HRH1: variants seen among roughly 807,000 people sequenced by gnomAD.
HRH1 encodes histamine receptor H1.
HRH1 carries 6 observed loss-of-function variants against 10.3 expected under a neutral mutation model. The ratio of observed to expected loss-of-function variants is 0.58; its 90% CI spans 0.32 to 1.15. HRH1 has a LOEUF of 1.15. Among genes scored for constraint, HRH1 ranks in the 50% most tolerant of loss-of-function variants. The probability of loss-of-function intolerance (pLI) is 0.05; values close to 1 mark genes in which losing one functional copy is unlikely to be tolerated. For missense variants in HRH1, 514 were observed against 615.3 expected (o/e 0.84, Z 1.74); for synonymous variants, 242 against 236.7 (o/e 1.02, Z -0.21).
chr3:11,152,794 C>T (rs1373019860), upstream of HRH1, among the ~76,000 whole-genome samples: 3 of 152,034 alleles, frequency 2.0e-5, no homozygotes, highest in Non-Finnish European at 4.4e-5. Flanking sequence ...GGAGAATCAC[C>T]AGGGAGTGGG....
intron 1 of HRH1, among the ~76,000 whole-genome samples, chr3:11,189,721 C>T (rs1041414869): frequency 6.6e-6 from 1 of 151,396 alleles, no homozygotes; most frequent in East Asian, 1.9e-4. Context: ...CACTGGAGTT[C>T]GAGACCAGCC....
intron 1 of HRH1, among the ~76,000 whole-genome samples, chr3:11,222,757 C>T (rs373135878): frequency 6.6e-6 from 1 of 152,148 alleles, no homozygotes; most frequent in African/African-American, 2.4e-5. Flanking sequence ...GAAACATAAA[C>T]TCTCCATCCT....
chr3:11,229,073 A>T (rs1938973033), intron 1 of HRH1, among the ~76,000 whole-genome samples: 2 of 152,290 alleles, frequency 1.3e-5, no homozygotes, highest in East Asian at 3.9e-4. Flanking sequence ...AATAAATAGA[A>T]GTTCATTGAC....
chr3:11,179,502 C>A (rs1292996242), intron 1 of HRH1, among the ~76,000 whole-genome samples: 2 of 151,330 alleles, frequency 1.3e-5, no homozygotes, highest in Admixed American at 1.3e-4. Flanking sequence ...CGCCTGTAGT[C>A]CCAGCTACTC....
intron 1 of HRH1, among the ~76,000 whole-genome samples, chr3:11,157,076 T>C (rs1936822275): frequency 6.6e-6 from 1 of 152,240 alleles, no homozygotes; most frequent in Non-Finnish European, 1.5e-5. Flanking sequence ...GCTTGAACTT[T>C]GTGCTCTGGC....
intron 1 of HRH1, among the ~76,000 whole-genome samples, chr3:11,141,839 T>C (rs111685340): frequency 0.019 from 2,957 of 152,352 alleles, 87 homozygotes; most frequent in East Asian, 0.11. Flanking sequence ...TCCTAGATGA[T>C]GCTATGTACA....
intron 1 of HRH1, among the ~76,000 whole-genome samples, chr3:11,185,074 G>A (rs1161797536): frequency 1.3e-5 from 2 of 150,926 alleles, no homozygotes; most frequent in African/African-American, 4.9e-5. Flanking sequence ...GCTTCCCATT[G>A]TATCATGGGC....
intron 1 of HRH1, among the ~76,000 whole-genome samples, chr3:11,211,089 A>C (rs1938312440): frequency 6.6e-6 from 1 of 152,240 alleles, no homozygotes; most frequent in African/African-American, 2.4e-5. Context: ...CAAATAAATC[A>C]ATTTGTAATT....
chr3:11,213,955 G>A (rs1051636082), intron 1 of HRH1, among the ~76,000 whole-genome samples: 5 of 152,162 alleles, frequency 3.3e-5, no homozygotes, highest in African/African-American at 1.2e-4. Flanking sequence ...CCAGGTGGTT[G>A]GAATGAGGGA....
Position 11,148,194 on chromosome 3 carries a change from A to G in HRH1, c.-36+10795A>G, listed in dbSNP as rs905433628. 2.9e-4 allele frequency among the ~76,000 whole-genome samples: 44 copies of G among 151,742 alleles called. 1 individual carries two copies. The highest frequency in any genetic ancestry group is 1.6e-3 in the East Asian group (8 of 5,132). On this transcript the variant is annotated intron_variant, in intron 1 of 1. Transcript: ENST00000438284. The stretch of plus-strand genomic sequence containing the variant: ...ACTCTGTCAAACAAAAAAAAAAAAA[A>G]AAAAGAAAAGAAACTCTTCCTTCTC...
At chr3:11,229,144 C>T (rs1283446779) in intron 1 of HRH1, among the ~76,000 whole-genome samples, 7 of 152,182 alleles carry the variant, frequency 4.6e-5, no homozygotes. Context: ...ATCAACCTTT[C>T]CACCTTTCCT....
At chr3:11,192,877 G>A (rs529722492) in intron 1 of HRH1, among the ~76,000 whole-genome samples, 34 of 152,010 alleles carry the variant, frequency 2.2e-4, no homozygotes, top group African/African-American at 6.3e-4. Flanking sequence ...GGGCCTTGCC[G>A]TCTTGGGTTC....
intron 1 of HRH1, among the ~76,000 whole-genome samples, chr3:11,227,305 C>T (rs1390611208): frequency 6.7e-6 from 1 of 148,416 alleles, no homozygotes; most frequent in African/African-American, 2.5e-5. Context: ...TTTTTTTCCT[C>T]AGGCGGAGTC....
At chr3:11,178,743 C>G (rs1225984121) in intron 1 of HRH1, among the ~76,000 whole-genome samples, 5 of 152,162 alleles carry the variant, frequency 3.3e-5, no homozygotes, top group African/African-American at 9.7e-5. Context: ...GGATTTTACC[C>G]ACCACCCAGA....
At chr3:11,234,365 G>C (rs1553579544) in intron 1 of HRH1, 1 of 1,599,488 alleles carries the variant, frequency 6.3e-7, no homozygotes, top group South Asian at 1.1e-5. Context: ...ATCCTCTTGG[G>C]GATAGAGGTC....
At chr3:11,162,655 G>A (rs1936949756) in intron 1 of HRH1, among the ~76,000 whole-genome samples, 1 of 151,948 alleles carries the variant, frequency 6.6e-6, no homozygotes, top group African/African-American at 2.4e-5. Flanking sequence ...CAGTAACAAG[G>A]CTATTGCTGT....
intron 1 of HRH1, among the ~76,000 whole-genome samples, chr3:11,146,436 G>A (rs952441176): frequency 6.6e-6 from 1 of 152,112 alleles, no homozygotes; most frequent in African/African-American, 2.4e-5. Context: ...GCATCTCAGG[G>A]GCAACAAGAA....
chr3:11,250,034 CTTTTTTT>C (rs71055856), intron 1 of HRH1, among the ~76,000 whole-genome samples: 11 of 60,798 alleles, frequency 1.8e-4, no homozygotes, highest in Middle Eastern at 0.019. Flanking sequence ...AAGCTTTTCT[CTTTTTTT>C]TTTTTTTTTT....
chr3:11,195,040 A>C (rs956460042), intron 1 of HRH1, among the ~76,000 whole-genome samples: 1 of 152,182 alleles, frequency 6.6e-6, no homozygotes, highest in Non-Finnish European at 1.5e-5. Flanking sequence ...GATTCCCCAG[A>C]GACATCCTGG....
Sources: allele counts gnomAD v4.1 joint callset (sites outside exome capture counted in the v4.1 genomes callset), GRCh38; gene constraint gnomAD v4.1.1; transcripts MANE v1.5; gene names NCBI Gene and HGNC (gene_info 2026-07-23, HGNC 2026-07-21).